The following CSMD1 variants were observed in gnomAD, a reference collection of about 807,000 sequenced individuals.
CSMD1 encodes CUB and Sushi multiple domains 1.
In CSMD1, 213 loss-of-function variants were observed where a neutral mutation model predicts 417.5. The observed-to-expected ratio is 0.51, with a 90% CI of 0.46 to 0.57. The LOEUF is 0.57. Among genes scored for constraint, CSMD1 ranks in the 20% least tolerant of loss-of-function variants. The probability of loss-of-function intolerance (pLI) is 0.00; values close to 1 mark genes in which losing one functional copy is unlikely to be tolerated. For synonymous variants in CSMD1, 2,862 were observed against 1,736.8 expected (o/e 1.65, Z -16.11); for missense variants, 6,923 against 4,529.7 (o/e 1.53, Z -15.17).
At chr8:4,208,396 A>C (rs915224777) in intron 3 of CSMD1, among the ~76,000 whole-genome samples, 1 of 152,208 alleles carries the variant, frequency 6.6e-6, no homozygotes, top group Non-Finnish European at 1.5e-5. Context: ...TTACTGGCCT[A>C]TTATAATTAC....
At chr8:4,376,164 G>A (rs1408587344) in intron 3 of CSMD1, among the ~76,000 whole-genome samples, 2 of 152,184 alleles carry the variant, frequency 1.3e-5, no homozygotes, top group African/African-American at 4.8e-5. Flanking sequence ...CATCAAGTGT[G>A]CTTAACAACT....
chr8:4,949,589 C>A (rs376069840), intron 1 of CSMD1, among the ~76,000 whole-genome samples: 5 of 152,136 alleles, frequency 3.3e-5, no homozygotes, highest in African/African-American at 9.7e-5. Flanking sequence ...TGCCAAAGTT[C>A]CTGAAATGCC....
chr8:4,291,557 G>A (rs943092029), intron 3 of CSMD1, among the ~76,000 whole-genome samples: 6 of 152,098 alleles, frequency 3.9e-5, no homozygotes, highest in Non-Finnish European at 8.8e-5. Flanking sequence ...ATTGCTTAGT[G>A]TAGAAATTTT....
intron 41 of CSMD1, among the ~76,000 whole-genome samples, chr8:3,129,903 C>T (rs188287600): frequency 4.6e-5 from 7 of 152,116 alleles, no homozygotes; most frequent in Admixed American, 1.3e-4. Flanking sequence ...ATCACCTGAG[C>T]CCGGGGGGCG....
chr8:3,809,764 G>C (rs1055874483), intron 5 of CSMD1, among the ~76,000 whole-genome samples: 1 of 152,146 alleles, frequency 6.6e-6, no homozygotes, highest in Admixed American at 6.5e-5. Context: ...GAGACAACAG[G>C]AAAGTATTAG....
intron 1 of CSMD1, among the ~76,000 whole-genome samples, chr8:4,799,206 GT>G (rs1304061987): frequency 1.3e-5 from 2 of 152,128 alleles, no homozygotes; most frequent in African/African-American, 4.8e-5. Flanking sequence ...AAGAAAAAAT[GT>G]TTTGAAAACT....
intron 1 of CSMD1, among the ~76,000 whole-genome samples, chr8:4,895,761 T>C (rs1230338654): frequency 6.6e-6 from 1 of 152,026 alleles, no homozygotes; most frequent in Non-Finnish European, 1.5e-5. Flanking sequence ...ACCAAAGATA[T>C]TAAACTTTAC....
chr8:4,688,325 G>A (rs571480177), intron 1 of CSMD1, among the ~76,000 whole-genome samples: 9 of 152,236 alleles, frequency 5.9e-5, no homozygotes, highest in African/African-American at 2.2e-4. Context: ...TGGGATGCAG[G>A]TCAAGTCACC....
At chr8:3,316,564 C>T (rs1017633614) in intron 23 of CSMD1, among the ~76,000 whole-genome samples, 1 of 152,098 alleles carries the variant, frequency 6.6e-6, no homozygotes. Context: ...CTAGGGGCCT[C>T]CTGGACGCCA....
intron 4 of CSMD1, among the ~76,000 whole-genome samples, chr8:4,026,921 A>G (rs1382330637): frequency 6.9e-6 from 1 of 145,756 alleles, no homozygotes; most frequent in Non-Finnish European, 1.5e-5. Flanking sequence ...AAAACCAACC[A>G]AACAACAAAC....
At chr8:3,918,891 G>C (rs943378878) in intron 5 of CSMD1, among the ~76,000 whole-genome samples, 1 of 151,878 alleles carries the variant, frequency 6.6e-6, no homozygotes, top group East Asian at 1.9e-4. Context: ...AGAATAGGAA[G>C]GGGGTGAAGG....
At chr8:4,774,642 T>C (rs1442849231) in intron 1 of CSMD1, among the ~76,000 whole-genome samples, 2 of 152,170 alleles carry the variant, frequency 1.3e-5, no homozygotes, top group African/African-American at 2.4e-5. Context: ...CCTAACTTCA[T>C]GTTCAATTGT....
chr8:4,446,391 A>T (rs116753309), intron 2 of CSMD1, among the ~76,000 whole-genome samples: 1 of 152,082 alleles, frequency 6.6e-6, no homozygotes, highest in South Asian at 2.1e-4. Context: ...CCATAAAAAC[A>T]AACAAAAGTA....
At chr8:3,568,409 G>A (rs1211481954) in intron 10 of CSMD1, among the ~76,000 whole-genome samples, 1 of 151,876 alleles carries the variant, frequency 6.6e-6, no homozygotes, top group African/African-American at 2.4e-5. Context: ...CAATAAAGCT[G>A]GAAACAAAGA....
chr8:3,974,151 T>G lies in CSMD1; in HGVS notation c.818+23752A>C, dbSNP rs528721461. On this transcript the variant is annotated intron_variant, in intron 5 of 69. Coordinates refer to ENST00000635120, the MANE Select transcript of CSMD1 (RefSeq NM_033225.6). ...GTAGTTTTGTGTGTGTGTGTCTACA[T>G]GTACAGAGGCACTCGCACACACCCC... Among the ~76,000 whole-genome samples the G allele has an allele frequency of 2.6e-5, 4 of 152,244 alleles. No individual in the cohort carries two copies. The East Asian group carries it at 7.7e-4, about 29-fold the overall frequency.
intron 2 of CSMD1, among the ~76,000 whole-genome samples, chr8:4,425,005 A>G (rs917086855): frequency 6.6e-6 from 1 of 152,150 alleles, no homozygotes; most frequent in African/African-American, 2.4e-5. Flanking sequence ...CTATTTAATA[A>G]CAAAACATTA....
intron 20 of CSMD1, among the ~76,000 whole-genome samples, chr8:3,360,279 T>A (rs911346918): frequency 6.6e-6 from 1 of 152,224 alleles, no homozygotes; most frequent in African/African-American, 2.4e-5. Context: ...TTTTGCTGCA[T>A]TTTGGGAGTA....
At chr8:4,766,369 T>G (rs1282893992) in intron 1 of CSMD1, among the ~76,000 whole-genome samples, 2 of 152,084 alleles carry the variant, frequency 1.3e-5, no homozygotes, top group Admixed American at 6.6e-5. Context: ...AAGAAGAAAT[T>G]AGGTTTGTGG....
chr8:3,484,229 G>A (rs994344702), intron 11 of CSMD1, among the ~76,000 whole-genome samples: 1 of 152,190 alleles, frequency 6.6e-6, no homozygotes, highest in East Asian at 1.9e-4. Flanking sequence ...ATTGGTAGAA[G>A]ACTAGACACA....
Sources: gnomAD v4.1 joint callset for allele counts (sites outside exome capture counted in the v4.1 genomes callset) on GRCh38, gnomAD v4.1.1 for gene constraint, MANE v1.5 for transcripts, NCBI Gene and HGNC (gene_info 2026-07-23, HGNC 2026-07-21) for gene names.